The following TAFA2 variants were observed in gnomAD, a reference collection of about 807,000 sequenced individuals.
TAFA2 encodes chemokine-like protein TAFA-2.
Under a neutral mutation model 18.8 loss-of-function variants are expected in TAFA2, and 7 were observed. The observed-to-expected ratio is 0.37, with a 90% confidence interval of 0.21 to 0.70. TAFA2 has a LOEUF of 0.70. Ranked by LOEUF, TAFA2 falls within the 30% of genes least tolerant of loss-of-function variation. The probability of loss-of-function intolerance (pLI) is 0.53; values close to 1 mark genes in which losing one functional copy is unlikely to be tolerated. For synonymous variants in TAFA2, 60 were observed against 54.2 expected (o/e 1.11, Z -0.47); for missense variants, 122 against 158.1 (o/e 0.77, Z 1.23).
intron 2 of TAFA2, among the ~76,000 whole-genome samples, chr12:61,852,399 T>C (rs1873712323): frequency 6.6e-6 from 1 of 152,010 alleles, no homozygotes; most frequent in Non-Finnish European, 1.5e-5. Flanking sequence ...GAGTGAGCTG[T>C]GGATAGGAAA....
chr12:61,746,139 G>T (rs1461630418), intron 4 of TAFA2, among the ~76,000 whole-genome samples: 2 of 152,030 alleles, frequency 1.3e-5, no homozygotes, highest in East Asian at 3.9e-4. Context: ...GAGGTAAGTG[G>T]ATCATGAGGC....
chr12:62,072,492 C>A (rs1006434076), intron 1 of TAFA2, among the ~76,000 whole-genome samples: 1 of 151,552 alleles, frequency 6.6e-6, no homozygotes, highest in Non-Finnish European at 1.5e-5. Flanking sequence ...AATAATAATC[C>A]ATTCCAGGCC....
rs78649838 is a variant in TAFA2, at chr12:62,106,701, A to C, written c.-2+84558T>G. Among the ~76,000 whole-genome samples the C allele has an allele frequency of 7.9e-3, 1,205 of 152,270 alleles. 17 individuals carry two copies. Among genetic ancestry groups the C allele is most frequent in the African/African-American group, 0.028 (1,149 of 41,554 alleles). ...ATACTCCCCTTTAATTTACATGAAA[A>C]GAGAAGCTGTTTCTCCAACACTCGC... On this transcript the variant is annotated intron_variant, in intron 1 of 4. Transcript: ENST00000416284.
intron 1 of TAFA2, among the ~76,000 whole-genome samples, chr12:61,990,272 T>C (rs1481426275): frequency 6.6e-6 from 1 of 152,102 alleles, no homozygotes; most frequent in Non-Finnish European, 1.5e-5. Flanking sequence ...CTATGGACCA[T>C]TTGTTAGTTT....
intron 2 of TAFA2, among the ~76,000 whole-genome samples, chr12:61,766,216 A>G (rs1869782867): frequency 6.6e-6 from 1 of 152,138 alleles, no homozygotes; most frequent in East Asian, 1.9e-4. Context: ...TCTGCAATAT[A>G]GAATCATTTG....
chr12:61,906,202 G>A (rs1876343170), intron 1 of TAFA2, among the ~76,000 whole-genome samples: 1 of 152,176 alleles, frequency 6.6e-6, no homozygotes, highest in South Asian at 2.1e-4. Flanking sequence ...TTTACAAAGT[G>A]ATATGGTTTG....
At chr12:61,777,283 C>T (rs1161276855) in intron 2 of TAFA2, among the ~76,000 whole-genome samples, 1 of 151,832 alleles carries the variant, frequency 6.6e-6, no homozygotes, top group Non-Finnish European at 1.5e-5. Context: ...CTTCAGTTTC[C>T]TCATCTGCAA....
At position 61,975,785 on chromosome 12, in the gene TAFA2, T is replaced by C. The variant is rs144765543; in HGVS notation, c.-1-108359A>G. On this transcript the variant is annotated intron_variant, in intron 1 of 4. Transcript: ENST00000416284. The stretch of plus-strand genomic sequence containing the variant: ...AACTTGTAGTTAAAAGACTAATAAG[T>C]TCTGGAAACCTAATGTACGGCAAGG... 1.6e-3 allele frequency among the ~76,000 whole-genome samples: 249 copies of C among 151,778 alleles called. 1 individual carries two copies. The highest frequency in any genetic ancestry group is 5.7e-3 in the African/African-American group (235 of 41,456).
At chr12:61,807,636 A>G (rs1357216181) in intron 2 of TAFA2, among the ~76,000 whole-genome samples, 1 of 151,430 alleles carries the variant, frequency 6.6e-6, no homozygotes, top group Non-Finnish European at 1.5e-5. Context: ...CTAGCCCATG[A>G]AAGCAGCCAG....
intron 1 of TAFA2, among the ~76,000 whole-genome samples, chr12:62,050,175 A>C (rs1882013320): frequency 1.3e-5 from 2 of 152,210 alleles, no homozygotes; most frequent in Admixed American, 6.5e-5. Flanking sequence ...TGATGGGCAA[A>C]GTAAATGCCT....
At chr12:61,801,925 A>T (rs1215096038) in intron 2 of TAFA2, among the ~76,000 whole-genome samples, 1 of 152,090 alleles carries the variant, frequency 6.6e-6, no homozygotes, top group African/African-American at 2.4e-5. Context: ...ACAAAAAACA[A>T]ATAAACCAAC....
chr12:62,156,064 C>T (rs576705747), intron 1 of TAFA2, among the ~76,000 whole-genome samples: 1 of 152,090 alleles, frequency 6.6e-6, no homozygotes, highest in Non-Finnish European at 1.5e-5. Context: ...GGACTAATAT[C>T]CAGAATCTAC....
At chr12:62,124,468 C>T (rs1336946041) in intron 1 of TAFA2, among the ~76,000 whole-genome samples, 17 of 151,842 alleles carry the variant, frequency 1.1e-4, no homozygotes, top group Non-Finnish European at 5.9e-5. Context: ...TCCACATTTA[C>T]TAAGGATAAC....
At chr12:62,078,543 T>C (rs967836505) in intron 1 of TAFA2, among the ~76,000 whole-genome samples, 2 of 152,090 alleles carry the variant, frequency 1.3e-5, no homozygotes, top group African/African-American at 2.4e-5. Flanking sequence ...CCCAGGGGTG[T>C]AGATTTAACA....
chr12:61,809,135 T>C (rs1032929991), intron 2 of TAFA2, among the ~76,000 whole-genome samples: 5 of 151,500 alleles, frequency 3.3e-5, no homozygotes, highest in Non-Finnish European at 7.3e-5. Context: ...CATAAAACAA[T>C]GCCTATAAAT....
chr12:61,787,817 A>C (rs1464766152), intron 2 of TAFA2, among the ~76,000 whole-genome samples: 1 of 151,664 alleles, frequency 6.6e-6, no homozygotes, highest in Non-Finnish European at 1.5e-5. Context: ...GCCACCAGAA[A>C]ATAATTAACA....
In TAFA2 at chr12:61,779,681, G is replaced by A. The variant is rs74095446; in HGVS notation, c.107-24657C>T. Among the ~76,000 whole-genome samples, 864 of 151,912 alleles carry A rather than the reference G, an allele frequency of 5.7e-3. 11 individuals are homozygous for A. Among genetic ancestry groups the A allele is most frequent in the African/African-American group, 0.02 (836 of 41,492 alleles). On this transcript the variant is annotated intron_variant, in intron 2 of 4. Transcript: ENST00000416284. ...GAAAAGACTAAAATCAATTGGTAGG[G>A]AGGAGATTTTCCCATGTGAGAATAA...
At chr12:61,824,942 G>A (rs931827903) in intron 2 of TAFA2, among the ~76,000 whole-genome samples, 28 of 152,096 alleles carry the variant, frequency 1.8e-4, no homozygotes, top group African/African-American at 6.8e-4. Context: ...TAAATGCAAT[G>A]CATCAAAGTG....
chr12:61,868,643 A>C (rs1426835407), intron 1 of TAFA2, among the ~76,000 whole-genome samples: 1 of 152,150 alleles, frequency 6.6e-6, no homozygotes, highest in Non-Finnish European at 1.5e-5. Flanking sequence ...GTGGCTATAC[A>C]ATTTCAAAGA....
Sources: allele counts gnomAD v4.1 joint callset (sites outside exome capture counted in the v4.1 genomes callset), GRCh38; gene constraint gnomAD v4.1.1; transcripts MANE v1.5; gene names NCBI Gene and HGNC (gene_info 2026-07-23, HGNC 2026-07-21).